SRBD1: variants seen among roughly 807,000 people sequenced by gnomAD.
The protein encoded by SRBD1 is S1 RNA-binding domain-containing protein 1.
In SRBD1, 88 loss-of-function variants were observed where a neutral mutation model predicts 115.3. The ratio of observed to expected loss-of-function variants is 0.76; its 90% confidence interval spans 0.64 to 0.91. The LOEUF is 0.91. Among genes scored for constraint, SRBD1 ranks in the 40% least tolerant of loss-of-function variants. The probability of loss-of-function intolerance (pLI) is 0.00; values close to 1 mark genes in which losing one functional copy is unlikely to be tolerated. For synonymous variants in SRBD1, 509 were observed against 407.7 expected, an observed-to-expected ratio of 1.25 and a Z score of -2.99; for missense variants, 1,385 against 1,177.4, an observed-to-expected ratio of 1.18 and a Z score of -2.58.
At chr2:45,439,899 G>T (rs141870682) in intron 16 of SRBD1, among the ~76,000 whole-genome samples, 2 of 152,068 alleles carry the variant, frequency 1.3e-5, no homozygotes, top group African/African-American at 4.8e-5. Flanking sequence ...TCTGTCTCTC[G>T]GGTTTCATAG....
intron 3 of SRBD1, among the ~76,000 whole-genome samples, chr2:45,600,937 C>A (rs1674072638): frequency 6.6e-6 from 1 of 152,138 alleles, no homozygotes; most frequent in Non-Finnish European, 1.5e-5. Flanking sequence ...CTGCCACCAC[C>A]ACCATCTGAA....
intron 14 of SRBD1, among the ~76,000 whole-genome samples, chr2:45,489,998 T>A (rs1426491051): frequency 2.0e-5 from 3 of 152,182 alleles, no homozygotes; most frequent in Non-Finnish European, 4.4e-5. Context: ...TGTTTACTTA[T>A]CTAAAGCAGA....
At chr2:45,550,534 T>A (rs1572764282) in intron 12 of SRBD1, among the ~76,000 whole-genome samples, 1 of 145,926 alleles carries the variant, frequency 6.9e-6, no homozygotes, top group Non-Finnish European at 1.5e-5. Flanking sequence ...GTACTGAAAG[T>A]AACTGCCAAT....
chr2:45,516,081 T>C (rs1671110859), intron 14 of SRBD1, among the ~76,000 whole-genome samples: 2 of 152,182 alleles, frequency 1.3e-5, no homozygotes, highest in Non-Finnish European at 2.9e-5. Flanking sequence ...AAGAAAAGGA[T>C]AGATCTAATT....
chr2:45,489,609 C>T (rs1208027739), intron 14 of SRBD1, among the ~76,000 whole-genome samples: 2 of 152,070 alleles, frequency 1.3e-5, no homozygotes, highest in South Asian at 4.1e-4. Flanking sequence ...TTCATCATCA[C>T]CATCATCATG....
chr2:45,455,338 C>T (rs529369660), intron 16 of SRBD1, among the ~76,000 whole-genome samples: 66 of 151,854 alleles, frequency 4.3e-4, no homozygotes, highest in African/African-American at 1.5e-3. Flanking sequence ...CATTATCATA[C>T]GTATTTATAT....
chr2:45,397,897 C>G (rs1031820711), intron 19 of SRBD1, among the ~76,000 whole-genome samples: 7 of 152,200 alleles, frequency 4.6e-5, no homozygotes, highest in African/African-American at 1.7e-4. Flanking sequence ...CTGCACCTGG[C>G]ATTTTCAAAT....
At position 45,413,313 on chromosome 2, in the gene SRBD1, A is replaced by G; in HGVS notation, c.2334-20T>C. On this transcript the variant is annotated intron_variant, in intron 18 of 20. Transcript: ENST00000263736. ...TGCTGACTATATAAAACCAGAAAAA[A>G]CCACATTTATGAAAAGGGGAAGGTT... 2.5e-6 allele frequency: 4 copies of G among 1,597,236 alleles called. No individual in the cohort carries two copies. The highest frequency in any genetic ancestry group is 2.2e-5 in the East Asian group (1 of 44,686).
intron 14 of SRBD1, among the ~76,000 whole-genome samples, chr2:45,507,707 C>T (rs1670838936): frequency 6.6e-6 from 1 of 151,646 alleles, no homozygotes; most frequent in African/African-American, 2.4e-5. Flanking sequence ...GCAACAAGAA[C>T]AAAACTCCGT....
chr2:45,448,128 A>G (rs1036187810), intron 16 of SRBD1: 4 of 152,190 alleles, frequency 2.6e-5, no homozygotes, highest in Admixed American at 2.0e-4. Flanking sequence ...ATGCTAAAAT[A>G]TAATCATTCT....
At chr2:45,559,346 A>G (rs1403426355) in intron 10 of SRBD1, among the ~76,000 whole-genome samples, 2 of 152,158 alleles carry the variant, frequency 1.3e-5, no homozygotes, top group East Asian at 3.8e-4. Flanking sequence ...CAACATCTCA[A>G]TCTTCATTCC....
At chr2:45,568,187 T>C (rs1672894914) in intron 9 of SRBD1, among the ~76,000 whole-genome samples, 1 of 152,152 alleles carries the variant, frequency 6.6e-6, no homozygotes, top group East Asian at 1.9e-4. Flanking sequence ...CAAATTCATG[T>C]GGTAGAAAAG....
chr2:45,531,536 T>C (rs919007143), intron 14 of SRBD1, among the ~76,000 whole-genome samples: 1 of 148,904 alleles, frequency 6.7e-6, no homozygotes, highest in African/African-American at 2.5e-5. Flanking sequence ...ATTAAGAAAG[T>C]TCTACAGTAA....
At chr2:45,510,252 C>G (rs1421618873) in intron 14 of SRBD1, among the ~76,000 whole-genome samples, 1 of 152,068 alleles carries the variant, frequency 6.6e-6, no homozygotes, top group East Asian at 1.9e-4. Flanking sequence ...ACACAAAGAA[C>G]CTGTAACTAA....
chr2:45,432,460 C>G (rs1389513023), intron 16 of SRBD1, among the ~76,000 whole-genome samples: 1 of 152,190 alleles, frequency 6.6e-6, no homozygotes, highest in Non-Finnish European at 1.5e-5. Flanking sequence ...AAGAACATTT[C>G]TAAGCAACTA....
At position 45,414,993 on chromosome 2, in the gene SRBD1, CAT is replaced by C. The variant is rs1317127839; in HGVS notation, c.2334-1702_2334-1701del. On this transcript the variant is annotated intron_variant, in intron 18 of 20. Coordinates refer to ENST00000263736, the MANE Select transcript of SRBD1 (RefSeq NM_018079.5). ...TGTGTATATAGTATGTATATACACA[CAT>C]ATAGTGTGTATATAGTATGTATATA... Among the ~76,000 whole-genome samples the C allele has an allele frequency of 5.7e-4, 66 of 114,884 alleles. 3 individuals are homozygous for C. The highest frequency in any genetic ancestry group is 2.9e-3 in the African/African-American group (62 of 21,172). The allele number at this position is 114,884 out of a possible 152,430, so 75.4% of individuals were successfully genotyped here.
chr2:45,518,203 G>C (rs1161624088), intron 14 of SRBD1, among the ~76,000 whole-genome samples: 2 of 151,760 alleles, frequency 1.3e-5, no homozygotes, highest in African/African-American at 2.4e-5. Flanking sequence ...CATTTTTACA[G>C]GTAGAAAAAC....
intron 14 of SRBD1, among the ~76,000 whole-genome samples, chr2:45,500,008 T>C (rs1670578649): frequency 6.6e-6 from 1 of 151,530 alleles, no homozygotes; most frequent in South Asian, 2.1e-4. Context: ...GAATTTTTAG[T>C]ATTTTTTTTC....
chr2:45,423,458 A>G (rs1668064818), intron 16 of SRBD1, among the ~76,000 whole-genome samples: 1 of 152,194 alleles, frequency 6.6e-6, no homozygotes, highest in African/African-American at 2.4e-5. Flanking sequence ...GTAGGAGAAT[A>G]AAAAATGGAC....
Sources: allele counts gnomAD v4.1 joint callset (sites outside exome capture counted in the v4.1 genomes callset), GRCh38; gene constraint gnomAD v4.1.1; transcripts MANE v1.5; gene names NCBI Gene and HGNC (gene_info 2026-07-23, HGNC 2026-07-21).